The following MYO18B variants were observed in gnomAD, a reference collection of about 807,000 sequenced individuals.
The protein encoded by MYO18B is myosin XVIIIB, also known as unconventional myosin-XVIIIb.
MYO18B carries 204 observed loss-of-function variants against 273.0 expected under a neutral mutation model. That is an observed-to-expected ratio of 0.75 (90% CI 0.67 to 0.84). The LOEUF (loss-of-function observed/expected upper bound fraction) is 0.84, where lower values mean the gene tolerates loss of function less well. Ranked by LOEUF, MYO18B falls within the 40% of genes least tolerant of loss-of-function variation. The probability of loss-of-function intolerance (pLI) is 0.00; values close to 1 mark genes in which losing one functional copy is unlikely to be tolerated. For synonymous variants in MYO18B, 1,330 were observed against 1,305.7 expected, an observed-to-expected ratio of 1.02 and a Z score of -0.40; for missense variants, 3,212 against 3,287.6, an observed-to-expected ratio of 0.98 and a Z score of 0.56.
chr22:25,746,821 T>C (rs1245650993), intron 1 of MYO18B, among the ~76,000 whole-genome samples: 2 of 152,276 alleles, frequency 1.3e-5, no homozygotes, highest in East Asian at 3.9e-4. Flanking sequence ...CAGTAGTGGA[T>C]AGAAAATTAG....
chr22:25,903,558 G>A, intron 30 of MYO18B, 73 bp from the exon 31 acceptor site: 7 of 1,457,952 alleles, frequency 4.8e-6, no homozygotes, highest in South Asian at 1.3e-5. Flanking sequence ...CCAGTTGGTT[G>A]TAGAGGTATC....
intron 34 of MYO18B, 47 bp downstream of exon 34, chr22:25,921,456 A>G (rs1277438723): frequency 1.2e-5 from 19 of 1,569,240 alleles, no homozygotes; most frequent in Non-Finnish European, 1.6e-5. Context: ...GGAGGATGCT[A>G]CGACCTGCAG....
At chr22:25,745,690 A>T (rs2085760002) in intron 1 of MYO18B, among the ~76,000 whole-genome samples, 1 of 133,274 alleles carries the variant, frequency 7.5e-6, no homozygotes, top group African/African-American at 3.5e-5. Flanking sequence ...AAAGATCCTC[A>T]AGAATCGGCA....
chr22:26,010,129 A>C (rs905693650), intron 42 of MYO18B, among the ~76,000 whole-genome samples: 2 of 152,050 alleles, frequency 1.3e-5, no homozygotes, highest in African/African-American at 4.8e-5. Flanking sequence ...CGAATCCGTA[A>C]GTCTTGTATT....
At chr22:25,913,631 G>A (rs180793735) in intron 33 of MYO18B, among the ~76,000 whole-genome samples, 17 of 152,336 alleles carry the variant, frequency 1.1e-4, no homozygotes, top group African/African-American at 3.1e-4. Context: ...GCCTCCCAAA[G>A]TGCTGGGATT....
At chr22:25,987,577 G>A (rs1282896217) in intron 39 of MYO18B, among the ~76,000 whole-genome samples, 9 of 151,764 alleles carry the variant, frequency 5.9e-5, no homozygotes, top group African/African-American at 1.5e-4. Flanking sequence ...TCATACAATA[G>A]CACCATTCAT....
chr22:26,002,846 G>A (rs1934086714), intron 40 of MYO18B, among the ~76,000 whole-genome samples: 1 of 152,158 alleles, frequency 6.6e-6, no homozygotes, highest in African/African-American at 2.4e-5. Flanking sequence ...TTCCCACAAT[G>A]CCCTGGGAAG....
At chr22:25,770,208 C>G (rs533320877) in intron 5 of MYO18B, 32 bp downstream of exon 5, 2 of 1,606,424 alleles carry the variant, frequency 1.2e-6, no homozygotes, top group South Asian at 2.2e-5. Context: ...TTTGGAGGGT[C>G]TGAGTCTTCT....
At chr22:25,951,622 A>G (rs1251596602) in intron 37 of MYO18B, among the ~76,000 whole-genome samples, 1 of 152,160 alleles carries the variant, frequency 6.6e-6, no homozygotes, top group Non-Finnish European at 1.5e-5. Flanking sequence ...GCTTTCCATC[A>G]TTACCTAGAG....
intron 33 of MYO18B, among the ~76,000 whole-genome samples, chr22:25,913,445 G>A (rs2092199467): frequency 6.6e-6 from 1 of 152,124 alleles, no homozygotes; most frequent in Admixed American, 6.5e-5. Flanking sequence ...CTCACTGCAA[G>A]CTCCGCTTCC....
chr22:25,943,711 CTTTTTTTTTT>C (rs59256754), intron 34 of MYO18B, among the ~76,000 whole-genome samples: 6 of 79,576 alleles, frequency 7.5e-5, no homozygotes, highest in South Asian at 4.1e-4. Context: ...TCTTTCTTTC[CTTTTTTTTTT>C]TTTTTTTTTT....
intron 1 of MYO18B, among the ~76,000 whole-genome samples, chr22:25,759,277 G>A (rs1261920665): frequency 2.0e-5 from 3 of 152,100 alleles, no homozygotes; most frequent in Non-Finnish European, 4.4e-5. Context: ...GACTTGGAAC[G>A]AACCCCAATG....
intron 37 of MYO18B, among the ~76,000 whole-genome samples, chr22:25,952,072 C>A (rs145793004): frequency 2.0e-5 from 3 of 152,266 alleles, no homozygotes; most frequent in African/African-American, 7.2e-5. Flanking sequence ...CACCTGAGAC[C>A]CAGGATCAGG....
intron 12 of MYO18B, among the ~76,000 whole-genome samples, chr22:25,804,330 C>T (rs1446643587): frequency 6.6e-6 from 1 of 152,214 alleles, no homozygotes; most frequent in Non-Finnish European, 1.5e-5. Flanking sequence ...GATCTCCAAG[C>T]TTCCACGGAA....
At chr22:25,823,359 A>C (rs2089355864) in intron 12 of MYO18B, 146 bp from the exon 13 acceptor site, 1 of 798,418 alleles carries the variant, frequency 1.3e-6, no homozygotes, top group Non-Finnish European at 1.9e-6. Context: ...CTAGGGGCCC[A>C]GGCCTGGGCA....
At chr22:25,924,851 G>A (rs1449626811) in intron 34 of MYO18B, among the ~76,000 whole-genome samples, 1 of 152,220 alleles carries the variant, frequency 6.6e-6, no homozygotes, top group Non-Finnish European at 1.5e-5. Flanking sequence ...TATTGATAGA[G>A]ATGGCAAGAA....
intron 25 of MYO18B, among the ~76,000 whole-genome samples, chr22:25,880,790 A>G (rs1467656425): frequency 1.3e-5 from 2 of 152,222 alleles, no homozygotes; most frequent in Non-Finnish European, 2.9e-5. Context: ...GGTGACAGTG[A>G]TGGAGGTTAA....
intron 42 of MYO18B, among the ~76,000 whole-genome samples, chr22:26,010,482 A>G (rs1934823439): frequency 6.6e-6 from 1 of 152,168 alleles, no homozygotes; most frequent in Non-Finnish European, 1.5e-5. Flanking sequence ...CCTCTCCTTT[A>G]CTAGTTCCTG....
intron 7 of MYO18B, among the ~76,000 whole-genome samples, chr22:25,776,541 G>A (rs1399409767): frequency 1.3e-5 from 2 of 152,316 alleles, no homozygotes; most frequent in East Asian, 3.9e-4. Context: ...AGGTTGCAGT[G>A]AGCTGAGATC....
Sources: gnomAD v4.1 joint callset for allele counts (sites outside exome capture counted in the v4.1 genomes callset) on GRCh38, gnomAD v4.1.1 for gene constraint, MANE v1.5 for transcripts, NCBI Gene and HGNC (gene_info 2026-07-23, HGNC 2026-07-21) for gene names.